Variants in PHF7 observed in about 807,000 individuals in gnomAD.
PHF7 encodes PHD finger protein 7.
A neutral mutation model predicts 47.5 loss-of-function variants in PHF7; 24 were observed. The observed-to-expected ratio is 0.51, with a 90% CI of 0.37 to 0.71. The LOEUF (loss-of-function observed/expected upper bound fraction) is 0.71. Ranked by LOEUF, PHF7 falls within the 30% of genes least tolerant of loss-of-function variation. The pLI is 0.00. For synonymous variants in PHF7, 156 were observed against 153.8 expected (o/e 1.01, Z -0.11); for missense variants, 361 against 456.8 (o/e 0.79, Z 1.91).
At chr3:52,412,317 G>A (rs1705473641) in intron 1 of PHF7, among the ~76,000 whole-genome samples, 1 of 152,136 alleles carries the variant, frequency 6.6e-6, no homozygotes, top group South Asian at 2.1e-4. Flanking sequence ...CTTTGCTTAG[G>A]AAAAAGCTAC....
In PHF7 at chr3:52,421,662, A is replaced by G. The variant is rs377143517; in HGVS notation, c.588A>G (p.Thr196=). ...TTCTCTTACAGAAATATGCCCACAC[A>G]TCAGCAAAGCATTTCTTCAAATGTC... is the stretch of plus-strand genomic sequence containing the variant. ...HRKCIQKYAH[T]SAKHFFKCPQ... is the part of the protein sequence containing the mutation. The change falls in exon 8 of 11, where the codon ACA becomes ACG. Residue 196 remains threonine, a synonymous_variant. Transcript: ENST00000327906. 6.2e-7 allele frequency: 1 copy of G among 1,600,954 alleles called. No homozygotes were observed.
chr3:52,412,481 T>G (rs1450539249), intron 1 of PHF7, among the ~76,000 whole-genome samples: 1 of 152,218 alleles, frequency 6.6e-6, no homozygotes, highest in Non-Finnish European at 1.5e-5. Flanking sequence ...CTTTTGCTAC[T>G]GTGTGATAGC....
At chr3:52,419,033 G>A (rs1377679159) in intron 4 of PHF7, among the ~76,000 whole-genome samples, 1 of 152,078 alleles carries the variant, frequency 6.6e-6, no homozygotes, top group Non-Finnish European at 1.5e-5. Context: ...TCGAACTCCT[G>A]ACCTCAGATG....
Position 52,422,524 on chromosome 3 carries a change from G to A in PHF7, c.797+186G>A, listed in dbSNP as rs1473200280. The A allele has an allele frequency of 6.2e-6, 4 of 645,730 alleles. No homozygotes were observed. In the East Asian group the frequency reaches 8.1e-5, roughly 13 times the overall value. 40.0% of individuals were successfully genotyped at this position (645,730 alleles called of 1,614,324 possible). A position where few individuals can be genotyped will look rare whatever the true frequency, so the allele number is the denominator to read the frequency against. ...CACGTGAACACGTCTCCCCTGCAAGGTCCGCTTCACCTTGTGCCCAGTGGA... is the reference window on the plus strand; with the variant it reads ...CACGTGAACACGTCTCCCCTGCAAGATCCGCTTCACCTTGTGCCCAGTGGA... On this transcript the variant is annotated intron_variant, in intron 9 of 10. Transcript: ENST00000327906.
chr3:52,416,097 T>C (rs1705615098), intron 4 of PHF7, among the ~76,000 whole-genome samples: 1 of 152,214 alleles, frequency 6.6e-6, no homozygotes, highest in East Asian at 1.9e-4. Flanking sequence ...TGTATTGGTA[T>C]TTCATTGTCG....
At chr3:52,421,989 G>A (rs1705804970) in intron 8 of PHF7, 1 of 594,078 alleles carries the variant, frequency 1.7e-6, no homozygotes, top group Non-Finnish European at 3.0e-6. Flanking sequence ...ATTCCCTGGG[G>A]GGTTGAGTTA....
At chr3:52,422,602 T>C in intron 9 of PHF7, 158 bp from the exon 10 acceptor site, 1 of 791,662 alleles carries the variant, frequency 1.3e-6, no homozygotes, top group Non-Finnish European at 2.1e-6. Context: ...GGGTTACGAC[T>C]GATGGCAGGC....
chr3:52,423,413 G>A lies in PHF7; in HGVS notation c.*96G>A, dbSNP rs1018433044. 2.7e-6 allele frequency: 2 copies of A among 738,204 alleles called. No individual in the cohort carries two copies. The highest frequency in any genetic ancestry group is 3.5e-5 in the African/African-American group (2 of 56,882). 45.7% of individuals were successfully genotyped at this position (738,204 alleles called of 1,614,324 possible). The stretch of plus-strand genomic sequence containing the variant: ...GAGCACTCTGGGACTGTGAGACAAG[G>A]AAGCAGGGCCAGCAGTGAGACTATG... On this transcript the variant is annotated 3_prime_UTR_variant, in exon 11 of 11. Transcript: ENST00000327906.
chr3:52,411,381 T>TGAA (rs1304959827), intron 1 of PHF7, 134 bp downstream of exon 1: 1 of 152,390 alleles, frequency 6.6e-6, no homozygotes, highest in Non-Finnish European at 1.5e-5. Context: ...GCCTGTCCAG[T>TGAA]GTTTTCCTTA....
At chr3:52,417,185 C>A (rs1443678585) in intron 4 of PHF7, among the ~76,000 whole-genome samples, 1 of 152,128 alleles carries the variant, frequency 6.6e-6, no homozygotes, top group Non-Finnish European at 1.5e-5. Flanking sequence ...TTACACAAGT[C>A]CCCACTGTCT....
chr3:52,422,179 C>A (rs765006472), intron 8 of PHF7, 43 bp from the exon 9 acceptor site: 2 of 1,353,142 alleles, frequency 1.5e-6, no homozygotes, highest in South Asian at 2.3e-5. Context: ...AAAGTTTCAC[C>A]AACCCATTAT....
rs1705399511 is a variant in PHF7 at position 52,410,833 on chromosome 3, G to C, written c.-484G>C. ...GAGGAGGAGCGGCGGAGGCGACCTC[G>C]GCCCGGCCCTGCACTGGCCGCCCGG... On this transcript the variant is annotated 5_prime_UTR_variant, in exon 1 of 11. Transcript: ENST00000327906. 2 of 152,580 alleles carry C rather than the reference G, an allele frequency of 1.3e-5. No individual in the cohort carries two copies. Among genetic ancestry groups the C allele is most frequent in the African/African-American group, 4.8e-5 (2 of 41,440 alleles). 9.5% of individuals were successfully genotyped at this position (152,580 alleles called of 1,614,324 possible).
chr3:52,420,980 G>T lies in PHF7; in HGVS notation c.491G>T (p.Cys164Phe). 6.2e-7 allele frequency: 1 copy of T among 1,613,844 alleles called. No individual in the cohort carries two copies. Among genetic ancestry groups the T allele is most frequent in the Non-Finnish European group, 8.5e-7 (1 of 1,179,826 alleles). The change falls in exon 7 of 11, where the codon TGT (cysteine) becomes TTT (phenylalanine). Residue 164 changes from cysteine (C) to phenylalanine (F), a missense_variant. Cys to Phe is a radical substitution (Grantham distance 205, BLOSUM62 -2). Transcript: ENST00000327906. ...GGGGAGGAAAGCTGCATCTTATGTTGTGAAGACTTATCCCAACAGAGTGTT... is the reference window on the plus strand; with the variant it reads ...GGGGAGGAAAGCTGCATCTTATGTTTTGAAGACTTATCCCAACAGAGTGTT... ...HVGEESCILCCEDLSQQSVEN... is the reference protein window; with the variant it reads ...HVGEESCILCFEDLSQQSVEN...
rs563811631 is a variant in PHF7 at position 52,423,524 on chromosome 3, G to A, written c.*207G>A. 1.2e-5 allele frequency: 6 copies of A among 491,414 alleles called. No homozygotes were observed. Among genetic ancestry groups the A allele is most frequent in the Non-Finnish European group, 1.8e-5 (5 of 276,648 alleles). 30.4% of individuals were successfully genotyped at this position (491,414 alleles called of 1,614,324 possible). A position where few individuals can be genotyped will look rare whatever the true frequency, so the allele number is the denominator to read the frequency against. On this transcript the variant is annotated 3_prime_UTR_variant, in exon 11 of 11. Coordinates refer to ENST00000327906, the MANE Select transcript of PHF7 (RefSeq NM_016483.7). ...GAAATGCGTTTATGGCTACAAGAGT[G>A]CCTCTGCTTTCTCCTCCTCTCCTCC... is the stretch of plus-strand genomic sequence containing the variant.
At chr3:52,415,394 C>T (rs1156707637) in intron 4 of PHF7, among the ~76,000 whole-genome samples, 5 of 152,068 alleles carry the variant, frequency 3.3e-5, no homozygotes, top group Non-Finnish European at 5.9e-5. Flanking sequence ...CAGGTTTCAC[C>T]GTGTTAGCCA....
intron 2 of PHF7, among the ~76,000 whole-genome samples, chr3:52,413,789 C>T (rs1241411987): frequency 2.6e-5 from 4 of 152,142 alleles, no homozygotes; most frequent in Admixed American, 1.3e-4. Flanking sequence ...AAGCTGAGAT[C>T]GCACCACTGC....
At chr3:52,419,762 C>G (rs1705730549) in intron 4 of PHF7, 71 bp from the exon 5 acceptor site, 8 of 873,940 alleles carry the variant, frequency 9.2e-6, no homozygotes, top group Non-Finnish European at 1.5e-5. Context: ...CTTACCCTGT[C>G]CTTCTCCTCA....
chr3:52,419,766 C>T, intron 4 of PHF7, 67 bp from the exon 5 acceptor site: 1 of 898,076 alleles, frequency 1.1e-6, no homozygotes, highest in Non-Finnish European at 1.8e-6. Flanking sequence ...CCCTGTCCTT[C>T]TCCTCACCTC....
At chr3:52,414,162 C>T in intron 3 of PHF7, 114 bp downstream of exon 3, 1 of 707,564 alleles carries the variant, frequency 1.4e-6, no homozygotes, top group Non-Finnish European at 2.5e-6. Context: ...TACTTCCTTC[C>T]TAGATTCTCT....
Sources: gnomAD v4.1 joint callset for allele counts (sites outside exome capture counted in the v4.1 genomes callset) on GRCh38, gnomAD v4.1.1 for gene constraint, MANE v1.5 for transcripts, NCBI Gene and HGNC (gene_info 2026-07-23, HGNC 2026-07-21) for gene names.